SYNC: variants seen among roughly 807,000 people sequenced by gnomAD.
SYNC encodes syncoilin, intermediate filament protein, also known as syncoilin.
Under a neutral mutation model 49.5 loss-of-function variants are expected in SYNC, and 38 were observed. The ratio of observed to expected loss-of-function variants is 0.77; its 90% CI spans 0.59 to 1.01. The LOEUF is 1.01. Among genes scored for constraint, SYNC ranks in the 50% least tolerant of loss-of-function variants. SYNC has a pLI of 0.00. For synonymous variants in SYNC, 201 were observed against 230.8 expected (o/e 0.87, Z 1.17); for missense variants, 579 against 580.6 (o/e 1.00, Z 0.03).
In SYNC at chr1:32,702,724, G is replaced by GGCGCCC. The variant is rs1557880748; in HGVS notation, c.-70_-65dup. 1.8e-6 allele frequency: 2 copies of GGCGCCC among 1,097,528 alleles called. No individual in the cohort carries two copies. The highest frequency in any genetic ancestry group is 2.2e-6 in the Non-Finnish European group (2 of 901,658). The allele number at this position is 1,097,528 out of a possible 1,614,324, so 68.0% of individuals were successfully genotyped here. A position where few individuals can be genotyped will look rare whatever the true frequency, so the allele number is the denominator to read the frequency against. On this transcript the variant is annotated 5_prime_UTR_variant, in exon 1 of 5. Coordinates refer to ENST00000409190, the MANE Select transcript of SYNC (RefSeq NM_030786.3). This position sits in a 1 kb window ranked among gnomAD's most constrained non-coding sequence, Gnocchi z 6.2. ...GCCGGGCCCGCGGGCCCCTCGCTCCGGCGCCCGCGCCCGCCGCACTGCCAG... is the reference window on the plus strand; with the variant it reads ...GCCGGGCCCGCGGGCCCCTCGCTCCGGCGCCCGCGCCCGCGCCCGCCGCACTGCCAG...
At chr1:32,696,665 T>G (rs970222324) in intron 1 of SYNC, among the ~76,000 whole-genome samples, 1 of 152,050 alleles carries the variant, frequency 6.6e-6, no homozygotes, top group African/African-American at 2.4e-5. Flanking sequence ...AGTCAGGCTG[T>G]TCTCAAACTC....
intron 2 of SYNC, chr1:32,686,241 A>G (rs768777126): frequency 2.0e-5 from 3 of 152,222 alleles, no homozygotes; most frequent in Non-Finnish European, 4.4e-5. Context: ...TAATAGAGCT[A>G]CCAGAACATT....
Position 32,680,637 on chromosome 1 carries a change from A to T in SYNC, c.*1213T>A. On this transcript the variant is annotated 3_prime_UTR_variant, in exon 5 of 5. Coordinates refer to ENST00000409190, the MANE Select transcript of SYNC (RefSeq NM_030786.3). Reference sequence around the variant, plus strand: ...TGTGTAAGTGCTTAAAATGGAATAAATTGCTTTTCTACATAACCCCATGCT... The same window carrying T: ...TGTGTAAGTGCTTAAAATGGAATAATTTGCTTTTCTACATAACCCCATGCT... 2.4e-6 allele frequency: 3 copies of T among 1,246,666 alleles called. No homozygotes were observed. The South Asian group carries it at 4.2e-5, about 17-fold the overall frequency. 77.2% of individuals were successfully genotyped at this position (1,246,666 alleles called of 1,614,324 possible). A position where few individuals can be genotyped will look rare whatever the true frequency, so the allele number is the denominator to read the frequency against.
intron 1 of SYNC, among the ~76,000 whole-genome samples, chr1:32,701,790 C>T (rs1485767996): frequency 6.6e-6 from 1 of 152,196 alleles, no homozygotes; most frequent in African/African-American, 2.4e-5. Flanking sequence ...CCCAGAGAAC[C>T]GCAGAGCTCT....
Position 32,681,671 on chromosome 1 carries a change from G to A in SYNC, c.*179C>T, listed in dbSNP as rs772801481. The A allele has an allele frequency of 1.7e-5, 15 of 880,142 alleles. No homozygotes were observed. The highest frequency in any genetic ancestry group is 7.1e-5 in the Admixed American group (3 of 42,232). The allele number at this position is 880,142 out of a possible 1,614,324, so 54.5% of individuals were successfully genotyped here. A position where few individuals can be genotyped will look rare whatever the true frequency, so the allele number is the denominator to read the frequency against. On this transcript the variant is annotated 3_prime_UTR_variant, in exon 5 of 5. Coordinates refer to ENST00000409190, the MANE Select transcript of SYNC (RefSeq NM_030786.3). ...CAAAGAGTTGACATGTTCTGCCTCC[G>A]GCCAACTCTAGAATCTTTTTAAGCA...
Position 32,680,296 on chromosome 1 carries a change from T to C in SYNC, c.*1554A>G. 7.8e-7 allele frequency: 1 copy of C among 1,284,772 alleles called. No homozygotes were observed. The highest frequency in any genetic ancestry group is 3.0e-4 in the Middle Eastern group (1 of 3,328). 79.6% of individuals were successfully genotyped at this position (1,284,772 alleles called of 1,614,324 possible). Reference sequence around the variant, plus strand: ...TATTTTTGCTCGTTAGTGTATTTCTTGAGCTGTTTTCATGTTGTTTATTTC... The same window carrying C: ...TATTTTTGCTCGTTAGTGTATTTCTCGAGCTGTTTTCATGTTGTTTATTTC... On this transcript the variant is annotated 3_prime_UTR_variant, in exon 5 of 5. Transcript: ENST00000409190.
intron 2 of SYNC, among the ~76,000 whole-genome samples, chr1:32,688,858 G>A (rs1557872230): frequency 6.6e-6 from 1 of 152,052 alleles, no homozygotes; most frequent in Non-Finnish European, 1.5e-5. Context: ...TGGGATCACA[G>A]GCATGGGCCA....
intron 2 of SYNC, among the ~76,000 whole-genome samples, chr1:32,689,490 C>T (rs1028634916): frequency 5.3e-5 from 8 of 151,680 alleles, no homozygotes; most frequent in South Asian, 4.2e-4. Flanking sequence ...CCACTGCGCC[C>T]GGCCACACAT....
intron 1 of SYNC, among the ~76,000 whole-genome samples, chr1:32,700,299 C>T (rs191073999): frequency 4.6e-5 from 7 of 152,356 alleles, no homozygotes; most frequent in East Asian, 3.9e-4. Flanking sequence ...TCCCAGCAGA[C>T]GGCCCTTTCA....
chr1:32,703,516 C>T (rs544417066), upstream of SYNC: 1 of 152,460 alleles, frequency 6.6e-6, no homozygotes, highest in South Asian at 2.1e-4. Flanking sequence ...ACGTCTTTCT[C>T]CCCAAGAGAG....
At position 32,695,844 on chromosome 1, in the gene SYNC, A is replaced by G; in HGVS notation, c.254T>C (p.Ile85Thr). ...ETEKAEEALY[I>T]EEAMQPDEAL... ...CTCATCTGGCTGCATGGCCTCCTCA[A>G]TATACAGGGCCTCCTCTGCCTTCTC... Residue 85 changes from isoleucine (I) to threonine (T), a missense_variant, in exon 2 of 5, where the codon ATT becomes ACT. Coordinates refer to ENST00000409190, the MANE Select transcript of SYNC (RefSeq NM_030786.3). 6.4e-7 allele frequency: 1 copy of G among 1,551,732 alleles called. No individual in the cohort carries two copies. The highest frequency in any genetic ancestry group is 8.7e-7 in the Non-Finnish European group (1 of 1,147,004).
chr1:32,702,710 G>A lies in SYNC; in HGVS notation c.-50C>T, dbSNP rs1324160425. The stretch of plus-strand genomic sequence containing the variant: ...CCGCGTTATTAATAGCCGGGCCCGC[G>A]GGCCCCTCGCTCCGGCGCCCGCGCC... On this transcript the variant is annotated 5_prime_UTR_variant, in exon 1 of 5. Transcript: ENST00000409190. The surrounding 1 kb of genome is among the most constrained non-coding windows in gnomAD (Gnocchi z 6.2). The A allele has an allele frequency of 8.0e-6, 9 of 1,128,006 alleles. No individual in the cohort carries two copies. Among genetic ancestry groups the A allele is most frequent in the African/African-American group, 1.7e-5 (1 of 60,548 alleles). 69.9% of individuals were successfully genotyped at this position (1,128,006 alleles called of 1,614,324 possible).
intron 2 of SYNC, 63 bp from the exon 3 acceptor site, chr1:32,684,445 C>T: frequency 6.2e-7 from 1 of 1,606,908 alleles, no homozygotes; most frequent in Middle Eastern, 1.7e-4. Flanking sequence ...ATTGTCCACT[C>T]TTACTTATAA....
At chr1:32,693,411 G>A (rs1450905490) in intron 2 of SYNC, among the ~76,000 whole-genome samples, 1 of 152,184 alleles carries the variant, frequency 6.6e-6, no homozygotes, top group African/African-American at 2.4e-5. Flanking sequence ...ACAAACTACA[G>A]AAAGCTTGAC....
At position 32,702,711 on chromosome 1, in the gene SYNC, G is replaced by A; in HGVS notation, c.-51C>T. ...CGCGTTATTAATAGCCGGGCCCGCG[G>A]GCCCCTCGCTCCGGCGCCCGCGCCC... On this transcript the variant is annotated 5_prime_UTR_variant, in exon 1 of 5. Transcript: ENST00000409190. The surrounding 1 kb of genome is among the most constrained non-coding windows in gnomAD (Gnocchi z 6.2). 8.9e-7 allele frequency: 1 copy of A among 1,127,376 alleles called. No homozygotes were observed. 69.8% of individuals were successfully genotyped at this position (1,127,376 alleles called of 1,614,324 possible).
In SYNC at chr1:32,681,816, G is replaced by A. The variant is rs773484710; in HGVS notation, c.*34C>T. 1 of 1,614,084 alleles carries A rather than the reference G, an allele frequency of 6.2e-7. No individual in the cohort carries two copies. The highest frequency in any genetic ancestry group is 8.5e-7 in the Non-Finnish European group (1 of 1,180,004). On this transcript the variant is annotated 3_prime_UTR_variant, in exon 5 of 5. Transcript: ENST00000409190. ...GTGATCCTTTGCTAAGAAGTTTTTT[G>A]CTGTTTCCGGGTTACAGATTTGGCC...
At chr1:32,701,438 T>C (rs1650665040) in intron 1 of SYNC, among the ~76,000 whole-genome samples, 2 of 152,148 alleles carry the variant, frequency 1.3e-5, no homozygotes, top group Non-Finnish European at 2.9e-5. Flanking sequence ...TTCTGCTCTA[T>C]ATCCTAGGGT....
chr1:32,693,082 T>G (rs140676746), intron 2 of SYNC, among the ~76,000 whole-genome samples: 114,955 of 137,148 alleles, frequency 0.84, 46,596 homozygotes, highest in East Asian at 0.87. Context: ...TTTTTGTTTG[T>G]TTGTTTTTGT....
intron 2 of SYNC, among the ~76,000 whole-genome samples, chr1:32,687,858 A>ATTATTATTATTATTT (rs1399978940): frequency 6.9e-6 from 1 of 144,084 alleles, no homozygotes; most frequent in African/African-American, 2.6e-5. Flanking sequence ...TATTATTATT[A>ATTATTATTATTATTT]TTATTTTTTG....
Sources: allele counts gnomAD v4.1 joint callset (sites outside exome capture counted in the v4.1 genomes callset), GRCh38; gene constraint gnomAD v4.1.1; non-coding constraint Gnocchi (gnomAD v3.1); transcripts MANE v1.5; gene names NCBI Gene and HGNC (gene_info 2026-07-23, HGNC 2026-07-21).